Variants in ADK observed in about 807,000 individuals in gnomAD.
The protein encoded by ADK is adenosine kinase, also known as N6,N6-dimethyladenosine kinase.
Under a neutral mutation model 44.7 loss-of-function variants are expected in ADK, and 24 were observed. The observed-to-expected ratio is 0.54, with a 90% CI of 0.39 to 0.76. The LOEUF (loss-of-function observed/expected upper bound fraction) is 0.76, where lower values mean the gene tolerates loss of function less well. ADK is among the 30% of genes least tolerant of loss of function. ADK has a pLI of 0.00. For synonymous variants in ADK, 128 were observed against 142.6 expected (o/e 0.90, Z 0.73); for missense variants, 321 against 425.1 (o/e 0.76, Z 2.15).
chr10:74,431,613 C>A (rs1845002008), intron 6 of ADK, among the ~76,000 whole-genome samples: 1 of 152,058 alleles, frequency 6.6e-6, no homozygotes. Context: ...TGGTAGCTGG[C>A]ACCTGTAATC....
At chr10:74,514,276 G>A (rs1053013372) in intron 6 of ADK, among the ~76,000 whole-genome samples, 1 of 152,114 alleles carries the variant, frequency 6.6e-6, no homozygotes, top group African/African-American at 2.4e-5. Flanking sequence ...ACTGTAATGT[G>A]CCTTGCAGAG....
chr10:74,543,687 T>C (rs954429404), intron 7 of ADK, among the ~76,000 whole-genome samples: 1 of 152,226 alleles, frequency 6.6e-6, no homozygotes, highest in African/African-American at 2.4e-5. Flanking sequence ...TATTTGGTTA[T>C]CAATTATTAA....
At chr10:74,472,411 T>A (rs904633303) in intron 6 of ADK, among the ~76,000 whole-genome samples, 2 of 152,194 alleles carry the variant, frequency 1.3e-5, no homozygotes. Context: ...TCAATAGAGA[T>A]GTCATCTAGT....
chr10:74,189,674 C>G (rs139861445), intron 1 of ADK, among the ~76,000 whole-genome samples: 4 of 152,322 alleles, frequency 2.6e-5, no homozygotes, highest in African/African-American at 9.6e-5. Context: ...CAAGGTTGTA[C>G]AGCCATCGGC....
At chr10:74,184,628 TCCTC>T (rs1842682650) in intron 1 of ADK, among the ~76,000 whole-genome samples, 2 of 151,888 alleles carry the variant, frequency 1.3e-5, no homozygotes, top group South Asian at 4.2e-4. Context: ...GGTCAAGTGA[TCCTC>T]CCGCCTCAGC....
intron 4 of ADK, among the ~76,000 whole-genome samples, chr10:74,378,081 G>A (rs560724498): frequency 1.3e-5 from 2 of 151,004 alleles, no homozygotes; most frequent in African/African-American, 4.9e-5. Context: ...ATGAAATGGA[G>A]ATCATGTGTC....
chr10:74,246,873 G>C (rs7099493), intron 3 of ADK, among the ~76,000 whole-genome samples: 4,866 of 152,030 alleles, frequency 0.032, 280 homozygotes, highest in African/African-American at 0.11. Context: ...TTGTCACTAA[G>C]ATGTTTTTTA....
Position 74,685,808 on chromosome 10 carries a change from T to C in ADK, c.964+15539T>C, listed in dbSNP as rs556590504. ...GCAGTATATAGTAGGGTAGCCATAT[T>C]TGAGCTTCAAGGCACTGTTTACTCT... is the stretch of plus-strand genomic sequence containing the variant. On this transcript the variant is annotated intron_variant, in intron 10 of 10. Transcript: ENST00000539909. 3.9e-5 allele frequency among the ~76,000 whole-genome samples: 6 copies of C among 152,284 alleles called. No individual in the cohort carries two copies. The East Asian group carries it at 5.8e-4, about 15-fold the overall frequency.
intron 9 of ADK, among the ~76,000 whole-genome samples, chr10:74,619,041 TGTGTGTG>T (rs1852882326): frequency 6.6e-6 from 1 of 151,528 alleles, no homozygotes; most frequent in Non-Finnish European, 1.5e-5. Flanking sequence ...TGTGTGTGTG[TGTGTGTG>T]TGTGTGTGTG....
At chr10:74,632,210 G>A (rs944192814) in intron 9 of ADK, among the ~76,000 whole-genome samples, 1 of 152,120 alleles carries the variant, frequency 6.6e-6, no homozygotes, top group Non-Finnish European at 1.5e-5. Context: ...CTTACAATAT[G>A]TGGTTTTCTG....
intron 7 of ADK, among the ~76,000 whole-genome samples, chr10:74,573,573 GCTGT>G (rs1851053932): frequency 6.6e-6 from 1 of 152,198 alleles, no homozygotes; most frequent in South Asian, 2.1e-4. Flanking sequence ...AGAGGTTACT[GCTGT>G]CTTTTTGTTT....
chr10:74,236,734 A>T (rs1048618589), intron 3 of ADK, among the ~76,000 whole-genome samples: 2 of 152,338 alleles, frequency 1.3e-5, no homozygotes, highest in East Asian at 3.9e-4. Context: ...AGAGAAATAC[A>T]TGAAGATTAT....
chr10:74,698,767 C>T (rs1258420555), intron 10 of ADK, among the ~76,000 whole-genome samples: 2 of 152,094 alleles, frequency 1.3e-5, no homozygotes, highest in South Asian at 2.1e-4. Context: ...CCATGTTGCC[C>T]AGGCTGGTCT....
chr10:74,470,024 C>CTTTT (rs372745779), intron 6 of ADK, among the ~76,000 whole-genome samples: 1 of 133,302 alleles, frequency 7.5e-6, no homozygotes, highest in Non-Finnish European at 1.6e-5. Flanking sequence ...TATATACCAC[C>CTTTT]TTTTTTTTTT....
chr10:74,486,354 C>T (rs1847268445), intron 6 of ADK, among the ~76,000 whole-genome samples: 1 of 152,092 alleles, frequency 6.6e-6, no homozygotes, highest in Admixed American at 6.6e-5. Flanking sequence ...AGAAAATACC[C>T]AGTCTTGGGC....
chr10:74,298,554 A>T (rs1592005976), intron 3 of ADK, among the ~76,000 whole-genome samples: 1 of 152,094 alleles, frequency 6.6e-6, no homozygotes, highest in African/African-American at 2.4e-5. Flanking sequence ...GGCGTTCAAG[A>T]CCAGCCTGCG....
At chr10:74,504,878 C>T (rs913174905) in intron 6 of ADK, among the ~76,000 whole-genome samples, 3 of 152,152 alleles carry the variant, frequency 2.0e-5, no homozygotes, top group Non-Finnish European at 2.9e-5. Flanking sequence ...CCCAGCCATG[C>T]AGAACTGTGA....
At chr10:74,498,181 G>A (rs543668166) in intron 6 of ADK, among the ~76,000 whole-genome samples, 26 of 152,284 alleles carry the variant, frequency 1.7e-4, no homozygotes, top group South Asian at 4.1e-4. Context: ...GAGCCACTGC[G>A]CCTGGCCAAG....
At chr10:74,446,600 A>T (rs182325295) in intron 6 of ADK, among the ~76,000 whole-genome samples, 70 of 152,300 alleles carry the variant, frequency 4.6e-4, no homozygotes, top group African/African-American at 1.6e-3. Context: ...TTGAAAGAAT[A>T]GTGAGAAGGT....
Sources: allele counts gnomAD v4.1 joint callset (sites outside exome capture counted in the v4.1 genomes callset), GRCh38; gene constraint gnomAD v4.1.1; transcripts MANE v1.5; gene names NCBI Gene and HGNC (gene_info 2026-07-23, HGNC 2026-07-21).